CDH4: variants seen among roughly 807,000 people sequenced by gnomAD.
CDH4 encodes the protein cadherin 4, also known as cadherin-4.
CDH4 carries 33 observed loss-of-function variants against 86.0 expected under a neutral mutation model. The observed-to-expected ratio is 0.38, with a 90% CI of 0.29 to 0.51. The LOEUF is 0.51. Among genes scored for constraint, CDH4 ranks in the 20% least tolerant of loss-of-function variants. CDH4 has a pLI of 0.86. For synonymous variants in CDH4, 555 were observed against 549.4 expected (o/e 1.01, Z -0.14); for missense variants, 1,114 against 1,307.4 (o/e 0.85, Z 2.28).
intron 2 of CDH4, among the ~76,000 whole-genome samples, chr20:61,349,681 G>A (rs1162171102): frequency 2.6e-5 from 4 of 152,164 alleles, no homozygotes; most frequent in Admixed American, 2.0e-4. Context: ...TCCATGCCCC[G>A]TGAGGCACGC....
chr20:61,599,726 C>T (rs1438416365), intron 2 of CDH4: 4 of 898,262 alleles, frequency 4.5e-6, no homozygotes, highest in South Asian at 5.1e-5. Flanking sequence ...GCCGAGGCCC[C>T]GCTCCTCCTC....
chr20:61,498,270 T>C (rs6089403), intron 2 of CDH4, among the ~76,000 whole-genome samples: 96,834 of 152,016 alleles, frequency 0.64, 32,291 homozygotes, highest in African/African-American at 0.84. Flanking sequence ...CACACAAGAC[T>C]AGTGAGGTGT....
At chr20:61,543,471 G>A (rs376735396) in intron 2 of CDH4, among the ~76,000 whole-genome samples, 2 of 152,170 alleles carry the variant, frequency 1.3e-5, no homozygotes, top group East Asian at 1.9e-4. Flanking sequence ...TAAAAATGTC[G>A]CTAAATTCAC....
intron 4 of CDH4, among the ~76,000 whole-genome samples, chr20:61,790,857 A>G (rs926939937): frequency 1.3e-5 from 2 of 150,052 alleles, no homozygotes; most frequent in Non-Finnish European, 2.9e-5. Context: ...CTCTCTATCC[A>G]TTCATCCATC....
intron 2 of CDH4, among the ~76,000 whole-genome samples, chr20:61,611,880 C>T (rs2086688094): frequency 6.6e-6 from 1 of 152,070 alleles, no homozygotes; most frequent in African/African-American, 2.4e-5. Flanking sequence ...AATCTGGAGG[C>T]TCCTGCAGAG....
rs1172379189 is a variant in CDH4 at position 61,387,465 on chromosome 20, TATAC to T, written c.169+132536_169+132539del. Among the ~76,000 whole-genome samples, 6 of 142,776 alleles carry T rather than the reference TATAC, an allele frequency of 4.2e-5. No homozygotes were observed. In the East Asian group the frequency reaches 1.2e-3, roughly 30 times the overall value. The allele number at this position is 142,776 out of a possible 152,430, so 93.7% of individuals were successfully genotyped here. The stretch of plus-strand genomic sequence containing the variant: ...AGAGAAACACACAGCCACACAAATA[TATAC>T]ATACATATACACACACAGCCACACA... On this transcript the variant is annotated intron_variant, in intron 2 of 15. Transcript: ENST00000614565.
chr20:61,319,655 A>G (rs1017871016), intron 2 of CDH4, among the ~76,000 whole-genome samples: 3 of 152,172 alleles, frequency 2.0e-5, no homozygotes, highest in Non-Finnish European at 4.4e-5. Context: ...TACAAGATGA[A>G]TAAGTTCTGG....
At chr20:61,548,856 T>C (rs925002966) in intron 2 of CDH4, among the ~76,000 whole-genome samples, 11 of 152,154 alleles carry the variant, frequency 7.2e-5, no homozygotes, top group African/African-American at 2.7e-4. Flanking sequence ...TGGAACATTA[T>C]CATCAAAAAC....
intron 2 of CDH4, among the ~76,000 whole-genome samples, chr20:61,560,883 A>G (rs1434742735): frequency 6.6e-6 from 1 of 152,228 alleles, no homozygotes; most frequent in East Asian, 1.9e-4. Flanking sequence ...ACATGGAACC[A>G]GCCAACCTCT....
intron 2 of CDH4, among the ~76,000 whole-genome samples, chr20:61,359,307 G>A (rs1405815778): frequency 1.3e-5 from 2 of 152,172 alleles, no homozygotes; most frequent in African/African-American, 4.8e-5. Context: ...TCATTTGTCA[G>A]CTACGCCGAC....
At chr20:61,839,393 A>G (rs1982034410) in intron 4 of CDH4, among the ~76,000 whole-genome samples, 1 of 149,794 alleles carries the variant, frequency 6.7e-6, no homozygotes, top group Admixed American at 6.6e-5. Context: ...GTGTATGTGT[A>G]TTTGTGTTGT....
chr20:61,846,435 C>G (rs78438259), intron 5 of CDH4, among the ~76,000 whole-genome samples: 5,271 of 152,276 alleles, frequency 0.035, 175 homozygotes, highest in African/African-American at 0.073. Flanking sequence ...ACAACAGGCT[C>G]AGGAACCGGA....
intron 4 of CDH4, among the ~76,000 whole-genome samples, chr20:61,787,103 C>CGTCT (rs1978921828): frequency 9.4e-5 from 7 of 74,144 alleles, no homozygotes; most frequent in African/African-American, 2.0e-4. Context: ...ATCCATCATC[C>CGTCT]ATCCATCCAT....
At chr20:61,892,673 C>T (rs1984873639) in intron 7 of CDH4, among the ~76,000 whole-genome samples, 1 of 152,168 alleles carries the variant, frequency 6.6e-6, no homozygotes, top group Admixed American at 6.5e-5. Flanking sequence ...GCTTTTGCTG[C>T]ATAATAAAAG....
At chr20:61,296,234 AGTGT>A (rs1324927871) in intron 2 of CDH4, among the ~76,000 whole-genome samples, 8 of 143,500 alleles carry the variant, frequency 5.6e-5, no homozygotes, top group African/African-American at 2.1e-4. Flanking sequence ...CAAAATAATG[AGTGT>A]GTGTATGTGT....
intron 2 of CDH4, among the ~76,000 whole-genome samples, chr20:61,368,391 G>A (rs1600907186): frequency 6.6e-6 from 1 of 152,130 alleles, no homozygotes; most frequent in Non-Finnish European, 1.5e-5. Flanking sequence ...CACCCCATCC[G>A]CCAGGTGAGG....
intron 3 of CDH4, among the ~76,000 whole-genome samples, chr20:61,770,199 C>T (rs2088757766): frequency 6.6e-6 from 1 of 152,176 alleles, no homozygotes; most frequent in Non-Finnish European, 1.5e-5. Flanking sequence ...CCTGGGTCTC[C>T]ATGTTTGCAC....
chr20:61,369,241 A>G (rs867507215), intron 2 of CDH4, among the ~76,000 whole-genome samples: 7 of 151,918 alleles, frequency 4.6e-5, no homozygotes, highest in African/African-American at 1.7e-4. Flanking sequence ...TCATGAGTTC[A>G]GGAGTTCGGG....
intron 2 of CDH4, among the ~76,000 whole-genome samples, chr20:61,403,658 A>G (rs75302241): frequency 0.023 from 3,490 of 152,266 alleles, 119 homozygotes; most frequent in African/African-American, 0.078. Flanking sequence ...ATTCTCCAGA[A>G]GGCCGTGTGC....
Sources: allele counts gnomAD v4.1 joint callset (sites outside exome capture counted in the v4.1 genomes callset), GRCh38; gene constraint gnomAD v4.1.1; transcripts MANE v1.5; gene names NCBI Gene and HGNC (gene_info 2026-07-23, HGNC 2026-07-21).